Variants in SDK1 observed in about 807,000 individuals in gnomAD.
SDK1 encodes the protein sidekick cell adhesion molecule 1, also known as protein sidekick-1.
Under a neutral mutation model 245.5 loss-of-function variants are expected in SDK1, and 157 were observed. That is an observed-to-expected ratio of 0.64 (90% CI 0.56 to 0.73). The LOEUF (loss-of-function observed/expected upper bound fraction) is 0.73, where lower values mean the gene tolerates loss of function less well. Ranked by LOEUF, SDK1 falls within the 30% of genes least tolerant of loss-of-function variation. The probability of loss-of-function intolerance (pLI) is 0.00; values close to 1 mark genes in which losing one functional copy is unlikely to be tolerated. For missense variants in SDK1, 3,583 were observed against 3,002.3 expected (o/e 1.19, Z -4.52); for synonymous variants, 1,647 against 1,278.5 (o/e 1.29, Z -6.15).
intron 5 of SDK1, among the ~76,000 whole-genome samples, chr7:3,871,672 G>A (rs771926635): frequency 3.9e-5 from 6 of 152,140 alleles, no homozygotes; most frequent in African/African-American, 1.2e-4. Flanking sequence ...GTAGCGGGGA[G>A]GCGCCAGACT....
intron 35 of SDK1, among the ~76,000 whole-genome samples, chr7:4,190,512 G>A (rs894448628): frequency 4.6e-5 from 7 of 152,250 alleles, no homozygotes; most frequent in Admixed American, 1.3e-4. Flanking sequence ...GCTCCAGCTC[G>A]TGTTGTTTCA....
intron 2 of SDK1, among the ~76,000 whole-genome samples, chr7:3,633,505 A>G (rs1412806748): frequency 6.6e-6 from 1 of 152,086 alleles, no homozygotes; most frequent in Non-Finnish European, 1.5e-5. Context: ...ACTCAAGAGA[A>G]CTTCTTATAA....
At chr7:3,612,405 A>T (rs545149990) in intron 1 of SDK1, among the ~76,000 whole-genome samples, 2 of 152,304 alleles carry the variant, frequency 1.3e-5, no homozygotes, top group South Asian at 2.1e-4. Context: ...AAAGATTGAT[A>T]TTACTATTAT....
chr7:3,719,364 G>A (rs1785296107), intron 4 of SDK1, among the ~76,000 whole-genome samples: 1 of 151,862 alleles, frequency 6.6e-6, no homozygotes, highest in Non-Finnish European at 1.5e-5. Context: ...GAAAAAAGTA[G>A]GAGGAATCAT....
At chr7:3,766,104 T>A (rs1363742891) in intron 4 of SDK1, among the ~76,000 whole-genome samples, 1 of 152,152 alleles carries the variant, frequency 6.6e-6, no homozygotes, top group African/African-American at 2.4e-5. Context: ...TGACCAAAAT[T>A]TTTGGTGATG....
In SDK1 at chr7:3,830,024, A is replaced by ATT. The variant is rs748815902; in HGVS notation, c.847+8442_847+8443dup. 5.9e-5 allele frequency among the ~76,000 whole-genome samples: 9 copies of ATT among 152,204 alleles called. No homozygotes were observed. In the East Asian group the frequency reaches 9.6e-4, roughly 16 times the overall value. On this transcript the variant is annotated intron_variant, in intron 5 of 44. Transcript: ENST00000404826. ...GTGGTTGTTTTGTTATCAGTAATGCATTAGACAGCACATAGGACATAAAGT... is the reference window on the plus strand; with the variant it reads ...GTGGTTGTTTTGTTATCAGTAATGCATTTTAGACAGCACATAGGACATAAAGT...
chr7:3,461,933 C>G (rs1015151287), intron 1 of SDK1, among the ~76,000 whole-genome samples: 6 of 152,134 alleles, frequency 3.9e-5, no homozygotes, highest in Non-Finnish European at 8.8e-5. Flanking sequence ...TTAACCAGAT[C>G]AGTTTCATCG....
chr7:3,492,975 G>A (rs1003036167), intron 1 of SDK1, among the ~76,000 whole-genome samples: 25 of 152,238 alleles, frequency 1.6e-4, no homozygotes, highest in Admixed American at 5.2e-4. Context: ...TTTTGAGACG[G>A]AGTCTTGCTC....
At chr7:3,560,726 C>G (rs1026528007) in intron 1 of SDK1, among the ~76,000 whole-genome samples, 21 of 152,172 alleles carry the variant, frequency 1.4e-4, no homozygotes, top group African/African-American at 4.8e-4. Context: ...CACGTCTCCA[C>G]TGGGCCTGGC....
At chr7:3,745,026 T>C (rs1583366763) in intron 4 of SDK1, among the ~76,000 whole-genome samples, 1 of 152,146 alleles carries the variant, frequency 6.6e-6, no homozygotes, top group Non-Finnish European at 1.5e-5. Context: ...CCGGCCTCCA[T>C]GTGATGATCA....
intron 1 of SDK1, among the ~76,000 whole-genome samples, chr7:3,591,892 G>A (rs148096790): frequency 5.5e-4 from 84 of 152,332 alleles, no homozygotes; most frequent in African/African-American, 2.0e-3. Context: ...GGAACCTGGG[G>A]TGGTGTCTGA....
At chr7:3,855,562 T>C (rs900435909) in intron 5 of SDK1, among the ~76,000 whole-genome samples, 1 of 151,976 alleles carries the variant, frequency 6.6e-6, no homozygotes, top group Non-Finnish European at 1.5e-5. Context: ...AAATAATGTA[T>C]GTAAAAAAAA....
chr7:4,081,340 G>A (rs988800006), intron 22 of SDK1, among the ~76,000 whole-genome samples: 2 of 152,190 alleles, frequency 1.3e-5, no homozygotes, highest in African/African-American at 4.8e-5. Context: ...ATCTGGGAGG[G>A]AAAGACAAGG....
At chr7:4,133,537 T>A (rs1340692894) in intron 28 of SDK1, among the ~76,000 whole-genome samples, 1 of 152,178 alleles carries the variant, frequency 6.6e-6, no homozygotes, top group Non-Finnish European at 1.5e-5. Context: ...GGTGGAAGTC[T>A]CCTTTTGAGA....
Position 3,971,836 on chromosome 7 carries a change from A to C in SDK1, c.1817+268A>C, listed in dbSNP as rs6947503. Among the ~76,000 whole-genome samples, 292 of 152,246 alleles carry C rather than the reference A, an allele frequency of 1.9e-3. 1 individual carries two copies. The highest frequency in any genetic ancestry group is 6.5e-3 in the African/African-American group (272 of 41,538). On this transcript the variant is annotated intron_variant, in intron 12 of 44. Coordinates refer to ENST00000404826, the MANE Select transcript of SDK1 (RefSeq NM_152744.4). ...TTTTTCCTGCCAAGGTTAATACACT[A>C]TCTGTAAAACGTACTTGTCAGAGGC...
At chr7:3,825,428 C>G (rs779019565) in intron 5 of SDK1, among the ~76,000 whole-genome samples, 16 of 150,968 alleles carry the variant, frequency 1.1e-4, no homozygotes, top group Non-Finnish European at 2.1e-4. Flanking sequence ...ACCATCAGTT[C>G]TGATCCAATA....
At chr7:3,874,238 A>G (rs1338697444) in intron 5 of SDK1, among the ~76,000 whole-genome samples, 5 of 152,314 alleles carry the variant, frequency 3.3e-5, no homozygotes, top group Non-Finnish European at 7.4e-5. Flanking sequence ...ATGTGTTCAT[A>G]GCATGGGATA....
intron 4 of SDK1, among the ~76,000 whole-genome samples, chr7:3,778,185 G>T (rs541338423): frequency 6.6e-6 from 1 of 152,090 alleles, no homozygotes; most frequent in Non-Finnish European, 1.5e-5. Flanking sequence ...CCACCTTTAA[G>T]CAAATGTTTG....
chr7:3,321,827 T>TCCTTCCTC (rs1583680966), intron 1 of SDK1, among the ~76,000 whole-genome samples: 1 of 126,234 alleles, frequency 7.9e-6, no homozygotes, highest in Non-Finnish European at 1.7e-5. Context: ...CTTCCTTCCT[T>TCCTTCCTC]CCTCCTTTTC....
Sources: gnomAD v4.1 joint callset for allele counts (sites outside exome capture counted in the v4.1 genomes callset) on GRCh38, gnomAD v4.1.1 for gene constraint, MANE v1.5 for transcripts, NCBI Gene and HGNC (gene_info 2026-07-23, HGNC 2026-07-21) for gene names.